Variants in CACNA1G observed in about 807,000 individuals in gnomAD.
The protein encoded by CACNA1G is voltage-dependent T-type calcium channel subunit alpha-1G.
A neutral mutation model predicts 219.4 loss-of-function variants in CACNA1G; 67 were observed. That is an observed-to-expected ratio of 0.31 (90% CI 0.25 to 0.37). CACNA1G has a LOEUF of 0.37. CACNA1G is among the 10% of genes least tolerant of loss of function. The pLI, the probability that CACNA1G is intolerant of heterozygous loss-of-function variation, is 1.00. For synonymous variants in CACNA1G, 1,296 were observed against 1,345.3 expected, an observed-to-expected ratio of 0.96 and a Z score of 0.80; for missense variants, 2,380 against 3,231.4, an observed-to-expected ratio of 0.74 and a Z score of 6.39.
intron 7 of CACNA1G, 40 bp from the exon 8 acceptor site, chr17:50,575,503 T>G: frequency 6.4e-7 from 1 of 1,555,064 alleles, no homozygotes; most frequent in East Asian, 2.3e-5. Flanking sequence ...TGATTCACTT[T>G]TCTTCAGGAC....
At position 50,620,553 on chromosome 17, in the gene CACNA1G, C is replaced by T. The variant is rs190231188; in HGVS notation, c.5925+727C>T. On this transcript the variant is annotated intron_variant, in intron 34 of 37. Coordinates refer to ENST00000359106, the MANE Select transcript of CACNA1G (RefSeq NM_018896.5). ...TCCCCTCCCCTTGATCCCCTCACCA[C>T]GACCCACTACCACGTGAGAGAGGGC... Among the ~76,000 whole-genome samples the T allele has an allele frequency of 4.0e-3, 606 of 152,318 alleles. 3 individuals carry two copies. Among genetic ancestry groups the T allele is most frequent in the African/African-American group, 0.013 (552 of 41,566 alleles).
intron 37 of CACNA1G, among the ~76,000 whole-genome samples, 175 bp downstream of exon 37, chr17:50,624,704 G>A (rs1190818268): frequency 6.6e-6 from 1 of 152,266 alleles, no homozygotes; most frequent in Non-Finnish European, 1.5e-5. Context: ...AGTGGTCTGT[G>A]CCTTCTTGAA....
intron 25 of CACNA1G, among the ~76,000 whole-genome samples, chr17:50,608,525 GAT>G (rs3063068): frequency 0.39 from 55,198 of 141,494 alleles, 11,252 homozygotes; most frequent in East Asian, 0.88. Flanking sequence ...TTTCTACCAT[GAT>G]ATATATATAT....
chr17:50,582,137 A>T (rs1296027891), intron 9 of CACNA1G, among the ~76,000 whole-genome samples: 2 of 152,214 alleles, frequency 1.3e-5, no homozygotes, highest in African/African-American at 4.8e-5. Context: ...GTAAACGGTC[A>T]TATTTACTTG....
chr17:50,608,958 G>C (rs1353153447), intron 25 of CACNA1G, among the ~76,000 whole-genome samples: 5 of 152,130 alleles, frequency 3.3e-5, no homozygotes, highest in Non-Finnish European at 7.3e-5. Context: ...TTTGTGTGTG[G>C]GTTTATCTAA....
At chr17:50,567,729 T>G (rs913854773) in intron 1 of CACNA1G, among the ~76,000 whole-genome samples, 1 of 152,192 alleles carries the variant, frequency 6.6e-6, no homozygotes, top group African/African-American at 2.4e-5. Context: ...CATATTTTCC[T>G]TAAAGAAAAT....
chr17:50,561,280 G>A lies in CACNA1G; in HGVS notation c.-180G>A, dbSNP rs1008495516. 1.6e-6 allele frequency: 1 copy of A among 640,556 alleles called. No homozygotes were observed. Among genetic ancestry groups the A allele is most frequent in the Non-Finnish European group, 2.5e-6 (1 of 395,336 alleles). 39.7% of individuals were successfully genotyped at this position (640,556 alleles called of 1,614,324 possible). On this transcript the variant is annotated 5_prime_UTR_variant, in exon 1 of 38. Transcript: ENST00000359106. ...TTCCCTGCGCCCCGGCGCCCCGCGG[G>A]CAGCATGCCCCTGCGGGCAGGGGGA...
At chr17:50,572,453 C>T in intron 5 of CACNA1G, 101 bp from the exon 6 acceptor site, 1 of 1,015,884 alleles carries the variant, frequency 9.8e-7, no homozygotes, top group Non-Finnish European at 1.4e-6. Flanking sequence ...CCCTGCTCAC[C>T]CTATATGCCT....
intron 25 of CACNA1G, among the ~76,000 whole-genome samples, chr17:50,608,589 C>CA (rs879270477): frequency 1.3e-5 from 2 of 150,560 alleles, no homozygotes; most frequent in Admixed American, 6.6e-5. Flanking sequence ...AAAACAAAAA[C>CA]AAAAAAAGAA....
At position 50,571,862 on chromosome 17, in the gene CACNA1G, G is replaced by C. The variant is rs767654789; in HGVS notation, c.587-16G>C. The C allele has an allele frequency of 1.9e-5, 31 of 1,612,632 alleles. No homozygotes were observed. The South Asian group carries it at 3.4e-4, about 18-fold the overall frequency. On this transcript the variant is annotated splice_polypyrimidine_tract_variant and intron_variant, in intron 4 of 37. Transcript: ENST00000359106. This position sits in a 1 kb window ranked among gnomAD's most constrained non-coding sequence, Gnocchi z 4.3. ...CGGCCAGCCTGGTGTCCCCAGCGTG[G>C]CTTCTGCCCCCACAGGCATGCGCAT...
chr17:50,564,125 AGTGTGTGTGTGT>A (rs67152102), intron 1 of CACNA1G, among the ~76,000 whole-genome samples: 3 of 138,610 alleles, frequency 2.2e-5, no homozygotes, highest in East Asian at 2.1e-4. Flanking sequence ...CCAGGTAGGA[AGTGTGTGTGTGT>A]GTGTGTGTGT....
chr17:50,594,109 G>A (rs1007356090), intron 13 of CACNA1G, among the ~76,000 whole-genome samples: 2 of 152,208 alleles, frequency 1.3e-5, no homozygotes, highest in African/African-American at 4.8e-5. Flanking sequence ...AGGCTTCAAG[G>A]GTAGCCCCCC....
In CACNA1G at chr17:50,614,060, T is replaced by C. The variant is rs375942099; in HGVS notation, c.4760-1301T>C. ...ACACCTCAAGGCCGATGCTGGAGAG[T>C]GGCCAGGTGGGCCAGGAGCATGGCA... On this transcript the variant is annotated intron_variant, in intron 26 of 37. Coordinates refer to ENST00000359106, the MANE Select transcript of CACNA1G (RefSeq NM_018896.5). Among the ~76,000 whole-genome samples the C allele has an allele frequency of 8.5e-5, 13 of 152,224 alleles. No homozygotes were observed. In the East Asian group the frequency reaches 1.9e-3, roughly 23 times the overall value.
Position 50,561,056 on chromosome 17 carries a change from C to T in CACNA1G, c.-404C>T, listed in dbSNP as rs1179116931. 8.3e-6 allele frequency: 3 copies of T among 359,552 alleles called. No individual in the cohort carries two copies. The highest frequency in any genetic ancestry group is 2.3e-5 in the African/African-American group (1 of 43,978). 22.3% of individuals were successfully genotyped at this position (359,552 alleles called of 1,614,324 possible). A position where few individuals can be genotyped will look rare whatever the true frequency, so the allele number is the denominator to read the frequency against. The stretch of plus-strand genomic sequence containing the variant: ...TGCGCCGCGGGAAGAGGGGGCGCCC[C>T]TCCCCGGACCCCCGCCCTCCGCCGC... On this transcript the variant is annotated 5_prime_UTR_variant, in exon 1 of 38. Coordinates refer to ENST00000359106, the MANE Select transcript of CACNA1G (RefSeq NM_018896.5).
Position 50,627,351 on chromosome 17 carries a change from A to C in CACNA1G, c.*600A>C, listed in dbSNP as rs1046962306. ...CCTCGTCATCATTTTCTGTAGGGAA[A>C]AAAAAAAGAAAAAGAAAAAATGAGA... On this transcript the variant is annotated 3_prime_UTR_variant, in exon 38 of 38. Transcript: ENST00000359106. 3 of 399,852 alleles carry C rather than the reference A, an allele frequency of 7.5e-6. No homozygotes were observed. Among genetic ancestry groups the C allele is most frequent in the Non-Finnish European group, 1.5e-5 (3 of 206,540 alleles). 24.8% of individuals were successfully genotyped at this position (399,852 alleles called of 1,614,324 possible). A position where few individuals can be genotyped will look rare whatever the true frequency, so the allele number is the denominator to read the frequency against.
chr17:50,625,975 G>C lies in CACNA1G; in HGVS notation c.6400-42G>C, dbSNP rs1392977358. 33 of 1,560,434 alleles carry C rather than the reference G, an allele frequency of 2.1e-5. 1 individual carries two copies. Among genetic ancestry groups the C allele is most frequent in the Non-Finnish European group, 2.8e-5 (32 of 1,149,336 alleles). On this transcript the variant is annotated intron_variant, in intron 37 of 37. Transcript: ENST00000359106. ...TTGACAGGAGGGCTAGTCCATGCTG[G>C]AGAGGAGACTGCTGGGCTGAGCCCT...
At chr17:50,591,071 G>T (rs903776432) in intron 10 of CACNA1G, among the ~76,000 whole-genome samples, 3 of 152,206 alleles carry the variant, frequency 2.0e-5, no homozygotes, top group African/African-American at 7.2e-5. Context: ...CTCCGTCCCC[G>T]CAAGGCCTGG....
intron 14 of CACNA1G, among the ~76,000 whole-genome samples, chr17:50,595,391 TG>T (rs1437466569): frequency 6.6e-6 from 1 of 152,232 alleles, no homozygotes; most frequent in Non-Finnish European, 1.5e-5. Flanking sequence ...TGCGTGCCTG[TG>T]CTGAGGTCCC....
rs368524369 is a variant in CACNA1G at position 50,578,306 on chromosome 17, C to T, written c.2043C>T (p.Ala681=). 2.0e-4 allele frequency: 330 copies of T among 1,613,134 alleles called. No individual in the cohort carries two copies. The African/African-American group carries it at 2.8e-3, about 14-fold the overall frequency. The change falls in exon 9 of 38, where the codon GCC becomes GCT. Residue 681 remains alanine, a synonymous_variant. Coordinates refer to ENST00000359106, the MANE Select transcript of CACNA1G (RefSeq NM_018896.5). This position sits in a 1 kb window ranked among gnomAD's most constrained non-coding sequence, Gnocchi z 4.5. ...CCGGGGCAGGGGAGGTGGAGCTCGC[C>T]GACCGTGAAATGCCTGACTCAGACA... ...ARAGAGEVEL[A]DREMPDSDSE...
Sources: allele counts gnomAD v4.1 joint callset (sites outside exome capture counted in the v4.1 genomes callset), GRCh38; gene constraint gnomAD v4.1.1; non-coding constraint Gnocchi (gnomAD v3.1); transcripts MANE v1.5; gene names NCBI Gene and HGNC (gene_info 2026-07-23, HGNC 2026-07-21).